The following GMDS variants were observed in gnomAD, a reference collection of about 807,000 sequenced individuals.
The protein encoded by GMDS is GDP-mannose 4,6-dehydratase, also known as GDP-mannose 4,6 dehydratase.
In GMDS, 20 loss-of-function variants were observed where a neutral mutation model predicts 49.9. The ratio of observed to expected loss-of-function variants is 0.40; its 90% CI spans 0.28 to 0.58. The LOEUF (loss-of-function observed/expected upper bound fraction) is 0.58, where lower values mean the gene tolerates loss of function less well. Among genes scored for constraint, GMDS ranks in the 20% least tolerant of loss-of-function variants. The pLI is 0.42. For synonymous variants in GMDS, 177 were observed against 178.6 expected (o/e 0.99, Z 0.07); for missense variants, 362 against 481.4 (o/e 0.75, Z 2.32).
intron 4 of GMDS, among the ~76,000 whole-genome samples, chr6:2,088,470 C>G (rs1299835405): frequency 1.3e-5 from 2 of 152,198 alleles, no homozygotes; most frequent in Admixed American, 1.3e-4. Context: ...TTCCTCCTAT[C>G]AACCTCATCT....
At chr6:1,999,980 A>T (rs1221339874) in intron 4 of GMDS, among the ~76,000 whole-genome samples, 1 of 18,716 alleles carries the variant, frequency 5.3e-5, no homozygotes, top group African/African-American at 2.0e-4. Flanking sequence ...TTATATATAT[A>T]TTTTATATAT....
intron 4 of GMDS, among the ~76,000 whole-genome samples, chr6:2,099,078 T>A (rs1444090891): frequency 6.6e-6 from 1 of 152,138 alleles, no homozygotes; most frequent in Non-Finnish European, 1.5e-5. Context: ...TTTTAAAACA[T>A]TTACTTTTTG....
At position 2,007,820 on chromosome 6, in the gene GMDS, T is replaced by G. The variant is rs1241735706; in HGVS notation, c.346-46854A>C. ...CTTCAAAACTGAATGGCTGATATTA[T>G]AAAGTGGTATATTTCAGGGGAAAAA... On this transcript the variant is annotated intron_variant, in intron 4 of 10. Transcript: ENST00000380815. Among the ~76,000 whole-genome samples the G allele has an allele frequency of 2.6e-5, 4 of 152,312 alleles. No individual in the cohort carries two copies. The East Asian group carries it at 7.7e-4, about 29-fold the overall frequency.
At chr6:1,763,940 T>G (rs772628420) in intron 7 of GMDS, among the ~76,000 whole-genome samples, 1 of 152,162 alleles carries the variant, frequency 6.6e-6, no homozygotes, top group Non-Finnish European at 1.5e-5. Flanking sequence ...TGCGATCCAC[T>G]GGAGCTGAGG....
chr6:2,224,821 A>G (rs1287740078), intron 1 of GMDS, among the ~76,000 whole-genome samples: 1 of 152,240 alleles, frequency 6.6e-6, no homozygotes, highest in Non-Finnish European at 1.5e-5. Flanking sequence ...GTAAAACATT[A>G]ATGAATATTT....
At chr6:1,767,118 A>G (rs532679897) in intron 7 of GMDS, among the ~76,000 whole-genome samples, 2 of 152,336 alleles carry the variant, frequency 1.3e-5, no homozygotes, top group African/African-American at 2.4e-5. Context: ...TTGTTTTCCT[A>G]GTTTTCTGAA....
chr6:2,068,477 G>T (rs1047180929), intron 4 of GMDS, among the ~76,000 whole-genome samples: 16 of 152,138 alleles, frequency 1.1e-4, no homozygotes, highest in East Asian at 3.9e-4. Context: ...AGTCAAATTG[G>T]CCCTGTTTGC....
At chr6:2,177,870 G>C (rs1048695737) in intron 1 of GMDS, among the ~76,000 whole-genome samples, 3 of 152,118 alleles carry the variant, frequency 2.0e-5, no homozygotes, top group African/African-American at 7.2e-5. Context: ...CAATAGTAAA[G>C]ACATAGAATC....
intron 7 of GMDS, among the ~76,000 whole-genome samples, chr6:1,906,934 C>A (rs746847236): frequency 5.3e-5 from 8 of 152,318 alleles, no homozygotes; most frequent in South Asian, 2.1e-4. Context: ...GGGCTCCCTG[C>A]ACACAGCCCC....
intron 1 of GMDS, among the ~76,000 whole-genome samples, chr6:2,136,667 G>A (rs1188950158): frequency 6.6e-6 from 1 of 152,158 alleles, no homozygotes; most frequent in Non-Finnish European, 1.5e-5. Context: ...GCTGCAGTGT[G>A]CCATGATCAC....
chr6:2,116,538 T>C (rs528744319), intron 3 of GMDS, among the ~76,000 whole-genome samples: 3 of 152,300 alleles, frequency 2.0e-5, no homozygotes, highest in Admixed American at 1.3e-4. Flanking sequence ...GTTCTGAACT[T>C]TGCACAAAAA....
intron 4 of GMDS, among the ~76,000 whole-genome samples, chr6:2,020,512 G>A (rs1465487741): frequency 2.0e-5 from 3 of 152,006 alleles, no homozygotes; most frequent in East Asian, 1.9e-4. Context: ...TTATGGAAAC[G>A]GAGTTTTAGT....
intron 3 of GMDS, among the ~76,000 whole-genome samples, chr6:2,116,623 C>T (rs1774865484): frequency 1.3e-5 from 2 of 152,214 alleles, no homozygotes; most frequent in Admixed American, 1.3e-4. Context: ...ACTGCATCAT[C>T]TTCCTGATGC....
chr6:2,218,584 A>C (rs1780443611), intron 1 of GMDS, among the ~76,000 whole-genome samples: 1 of 152,196 alleles, frequency 6.6e-6, no homozygotes, highest in South Asian at 2.1e-4. Context: ...TTGCAATGGA[A>C]AATAAGCAAT....
At chr6:2,086,329 C>T (rs1266149992) in intron 4 of GMDS, among the ~76,000 whole-genome samples, 22 of 152,254 alleles carry the variant, frequency 1.4e-4, no homozygotes, top group Non-Finnish European at 2.4e-4. Flanking sequence ...AGAAGCAACA[C>T]TTTTGTGCTA....
intron 9 of GMDS, among the ~76,000 whole-genome samples, chr6:1,686,593 A>G (rs1313569389): frequency 6.6e-6 from 1 of 152,264 alleles, no homozygotes; most frequent in Non-Finnish European, 1.5e-5. Flanking sequence ...ATCTATTTAA[A>G]GGATCTAAAT....
At chr6:2,225,165 C>CAA (rs1188506396) in intron 1 of GMDS, among the ~76,000 whole-genome samples, 62 of 119,830 alleles carry the variant, frequency 5.2e-4, no homozygotes, top group African/African-American at 1.8e-3. Flanking sequence ...ATAAAAAATA[C>CAA]AAAAAAAAAA....
intron 7 of GMDS, among the ~76,000 whole-genome samples, chr6:1,825,931 A>T (rs1434149554): frequency 6.6e-6 from 1 of 152,158 alleles, no homozygotes; most frequent in African/African-American, 2.4e-5. Context: ...CACGAGGATC[A>T]CTTGAACCTA....
chr6:1,916,932 T>C (rs1761435695), intron 7 of GMDS, among the ~76,000 whole-genome samples: 1 of 151,944 alleles, frequency 6.6e-6, no homozygotes, highest in African/African-American at 2.4e-5. Context: ...TCTGTTAAAC[T>C]TGTATTTCCT....
Sources: gnomAD v4.1 joint callset for allele counts (sites outside exome capture counted in the v4.1 genomes callset) on GRCh38, gnomAD v4.1.1 for gene constraint, MANE v1.5 for transcripts, NCBI Gene and HGNC (gene_info 2026-07-23, HGNC 2026-07-21) for gene names.